Variants in ADAM8 observed in about 807,000 individuals in gnomAD.
ADAM8 encodes disintegrin and metalloproteinase domain-containing protein 8.
A neutral mutation model predicts 102.4 loss-of-function variants in ADAM8; 104 were observed. The observed-to-expected ratio is 1.02, with a 90% CI of 0.87 to 1.20. ADAM8 has a LOEUF of 1.20. Ranked by LOEUF, ADAM8 falls within the 50% of genes most tolerant of loss-of-function variation. The pLI is 0.00. For synonymous variants in ADAM8, 517 were observed against 485.2 expected (o/e 1.07, Z -0.86); for missense variants, 1,132 against 1,159.0 (o/e 0.98, Z 0.34).
In ADAM8 at chr10:133,267,960, G is replaced by A. The variant is rs552936179; in HGVS notation, c.2222C>T (p.Ser741Phe). 420 of 1,261,976 alleles carry A rather than the reference G, an allele frequency of 3.3e-4. 5 individuals carry two copies. In the East Asian group the frequency reaches 0.013, roughly 39 times the overall value. 78.2% of individuals were successfully genotyped at this position (1,261,976 alleles called of 1,614,324 possible). A position where few individuals can be genotyped will look rare whatever the true frequency, so the allele number is the denominator to read the frequency against. The change falls in exon 20 of 23, where the codon TCC becomes TTC. Residue 741 changes from serine to phenylalanine, a missense_variant. Physicochemically the swap from Ser to Phe is radical, Grantham distance 155 (BLOSUM62 -2). Transcript: ENST00000445355. Reference protein sequence around the residue: ...HPGQPARHPASSVALKRPPPA... With the variant: ...HPGQPARHPAFSVALKRPPPA... ...GGGCGGCCTCTTCAGAGCCACCGAG[G>A]AGGCCGGGTGTCGGGCGGGCTGGCC...
Position 133,265,294 on chromosome 10 carries a change from A to ACCG in ADAM8, c.2320-1530_2320-1529insCGG, listed in dbSNP as rs200110176. Among the ~76,000 whole-genome samples the ACCG allele has an allele frequency of 5.4e-3, 133 of 24,442 alleles. 22 individuals carry two copies. Among genetic ancestry groups the ACCG allele is most frequent in the Middle Eastern group, 0.026 (1 of 38 alleles). 16.0% of individuals were successfully genotyped at this position (24,442 alleles called of 152,430 possible). ...TCCTGCTGCAGCCTCTGCCCCATCT[A>ACCG]CCACCACGCCCGGCTCCTGCTGCAG... is the stretch of plus-strand genomic sequence containing the variant. On this transcript the variant is annotated intron_variant, in intron 21 of 22. Coordinates refer to ENST00000445355, the MANE Select transcript of ADAM8 (RefSeq NM_001109.5).
In ADAM8 at chr10:133,272,863, G is replaced by A. The variant is rs763588593; in HGVS notation, c.640C>T (p.Gln214Ter). The change falls in exon 8 of 23, where the codon CAG becomes TAG. Residue 214 changes from glutamine to a stop codon, truncating the protein, a stop_gained. Coordinates refer to ENST00000445355, the MANE Select transcript of ADAM8 (RefSeq NM_001109.5). LOFTEE classifies it high-confidence loss of function. ...ACGGCTGCTTCGCTCCCCAGCATCTGGAACTGGGGACACGAGACCCTCAGG... is the reference window on the plus strand; with the variant it reads ...ACGGCTGCTTCGCTCCCCAGCATCTAGAACTGGGGACACGAGACCCTCAGG... ...LYVVVDNAEF[Q>*]MLGSEAAVRH... 6.0e-5 allele frequency: 97 copies of A among 1,611,144 alleles called. No homozygotes were observed. Among genetic ancestry groups the A allele is most frequent in the Admixed American group, 5.2e-4 (31 of 59,946 alleles).
Position 133,268,155 on chromosome 10 carries a change from G to GC in ADAM8, c.2064-38dup, listed in dbSNP as rs900208373. On this transcript the variant is annotated intron_variant, in intron 19 of 22. Transcript: ENST00000445355. The stretch of plus-strand genomic sequence containing the variant: ...GCACAGGGCGCATGGTCAGTGTCCG[G>GC]CCATGGGGCCCCAGCACCACACCCC... 3.2e-6 allele frequency: 4 copies of GC among 1,251,930 alleles called. No individual in the cohort carries two copies. The African/African-American group carries it at 6.2e-5, about 19-fold the overall frequency. The allele number at this position is 1,251,930 out of a possible 1,614,324, so 77.6% of individuals were successfully genotyped here.
At chr10:133,263,462 A>G (rs934827329) in intron 22 of ADAM8, among the ~76,000 whole-genome samples, 1 of 152,210 alleles carries the variant, frequency 6.6e-6, no homozygotes, top group African/African-American at 2.4e-5. Context: ...GTCAGGCACC[A>G]CTGACAGCCG....
rs1846555667 is a variant in ADAM8, at chr10:133,272,237, TG to T, written c.912del (p.Arg305GlyfsTer13). ...VDFTGTTVGFARVSAMCSHSS... is the reference protein window; with the variant it reads ...VDFTGTTVGFXRVSAMCSHSS... ...CTGTGGGAGCACATGGCGGACACCC[TG>T]GCAAACCCCACGGTAGTCCCGGTGA... On this transcript the variant is annotated frameshift_variant, in exon 10 of 23. Transcript: ENST00000445355. LOFTEE classifies it high-confidence loss of function. 1.3e-6 allele frequency: 2 copies of T among 1,548,226 alleles called. No individual in the cohort carries two copies. The highest frequency in any genetic ancestry group is 3.9e-5 in the Admixed American group (2 of 50,818).
chr10:133,276,753 G>A lies in ADAM8; in HGVS notation c.46+19C>T, dbSNP rs1295111591. 2.6e-6 allele frequency: 4 copies of A among 1,533,344 alleles called. No individual in the cohort carries two copies. The highest frequency in any genetic ancestry group is 5.1e-5 in the East Asian group (2 of 39,432). The allele number at this position is 1,533,344 out of a possible 1,614,324, so 95.0% of individuals were successfully genotyped here. A position where few individuals can be genotyped will look rare whatever the true frequency, so the allele number is the denominator to read the frequency against. Reference sequence around the variant, plus strand: ...CCTGCCCCGCGCTGCGCCCGGGACGGTTCCCTGGAACCACTCACCAGGCAG... The same window carrying A: ...CCTGCCCCGCGCTGCGCCCGGGACGATTCCCTGGAACCACTCACCAGGCAG... On this transcript the variant is annotated intron_variant, in intron 1 of 22. Transcript: ENST00000445355.
chr10:133,272,324 T>TACC, intron 9 of ADAM8, 50 bp from the exon 10 acceptor site: 2 of 1,430,604 alleles, frequency 1.4e-6, no homozygotes, highest in Non-Finnish European at 1.9e-6. Flanking sequence ...CCTCCCCACT[T>TACC]CCCTCCCACC....
At chr10:133,263,575 C>A in intron 22 of ADAM8, 113 bp downstream of exon 22, 2 of 939,664 alleles carry the variant, frequency 2.1e-6, no homozygotes, top group Non-Finnish European at 3.1e-6. Context: ...AGTTTATCCA[C>A]AGATAATCAG....
chr10:133,273,720 T>C (rs764188338), intron 5 of ADAM8, 42 bp downstream of exon 5: 109 of 1,441,642 alleles, frequency 7.6e-5, no homozygotes, highest in Non-Finnish European at 9.8e-5. Flanking sequence ...TAGGCCTTCC[T>C]CTCCACCTGC....
In ADAM8 at chr10:133,273,366, A is replaced by C. The variant is rs1216127171; in HGVS notation, c.461T>G (p.Val154Gly). The C allele has an allele frequency of 1.9e-6, 3 of 1,557,190 alleles. No homozygotes were observed. The highest frequency in any genetic ancestry group is 2.6e-6 in the Non-Finnish European group (3 of 1,151,042). Reference protein sequence around the residue: ...DEGGEGGRHAVYQAEHLLQTA... With the variant: ...DEGGEGGRHAGYQAEHLLQTA... ...CTGCAGCAGGTGCTCAGCCTGGTAC[A>C]CGGCGTGCCGTCCGCCCTCGCCACC... Residue 154 changes from valine (V) to glycine (G), a missense_variant, in exon 6 of 23, where the codon GTG (valine) becomes GGG (glycine). Val to Gly is a moderately radical substitution (Grantham distance 109). Transcript: ENST00000445355.
At chr10:133,273,682 C>T in intron 5 of ADAM8, 80 bp downstream of exon 5, 2 of 1,467,538 alleles carry the variant, frequency 1.4e-6, no homozygotes. Context: ...ACCCTCCCTG[C>T]CTCCCTTCCC....
chr10:133,272,270 C>T lies in ADAM8; in HGVS notation c.880G>A (p.Val294Ile), dbSNP rs1221013013. The T allele has an allele frequency of 2.0e-6, 3 of 1,533,528 alleles. No homozygotes were observed. Among genetic ancestry groups the T allele is most frequent in the African/African-American group, 1.4e-5 (1 of 72,780 alleles). The allele number at this position is 1,533,528 out of a possible 1,614,324, so 95.0% of individuals were successfully genotyped here. The change falls in exon 10 of 23, where the codon GTC becomes ATC. Residue 294 changes from valine to isoleucine, a missense_variant. Coordinates refer to ENST00000445355, the MANE Select transcript of ADAM8 (RefSeq NM_001109.5). ...CCCACGGTAGTCCCGGTGAAGTCGA[C>T]ACCCCTGGAAGTGGGAGTGACACAG... The part of the protein sequence containing the change: ...LHDNVQLITG[V>I]DFTGTTVGFA...
chr10:133,275,007 A>G (rs1202779173), intron 2 of ADAM8: 3 of 340,764 alleles, frequency 8.8e-6, no homozygotes, highest in South Asian at 4.2e-5. Flanking sequence ...ACAGGTGCAC[A>G]CATGCATATG....
In ADAM8 at chr10:133,270,875, C is replaced by T. The variant is rs1311525808; in HGVS notation, c.1564+6G>A. On this transcript the variant is annotated splice_donor_region_variant and intron_variant, in intron 14 of 22. Coordinates refer to ENST00000445355, the MANE Select transcript of ADAM8 (RefSeq NM_001109.5). ...CCCTGCCAGGCCAGCTCTGTGCCCA[C>T]TTCACCTGGCCCCCAGAAGGCCTGG... is the stretch of plus-strand genomic sequence containing the variant. The T allele has an allele frequency of 1.9e-6, 3 of 1,610,434 alleles. No homozygotes were observed. Among genetic ancestry groups the T allele is most frequent in the South Asian group, 2.2e-5 (2 of 90,970 alleles).
chr10:133,270,335 C>A (rs374643932), intron 16 of ADAM8, 25 bp downstream of exon 16: 1 of 1,565,104 alleles, frequency 6.4e-7, no homozygotes, highest in East Asian at 2.3e-5. Context: ...TGGGGGGTGG[C>A]GCGGCCTCTG....
chr10:133,263,906 C>A lies in ADAM8; in HGVS notation c.2320-141G>T, dbSNP rs555235405. The A allele has an allele frequency of 4.5e-6, 3 of 668,468 alleles. No individual in the cohort carries two copies. In the South Asian group the frequency reaches 7.7e-5, roughly 17 times the overall value. The allele number at this position is 668,468 out of a possible 1,614,324, so 41.4% of individuals were successfully genotyped here. On this transcript the variant is annotated intron_variant, in intron 21 of 22. Transcript: ENST00000445355. ...AGGGAGCCTGCAGGCTCCGCCCCCA[C>A]TGAGCTCGCTACAGAAAAGCCCTCC...
At chr10:133,275,379 C>G in intron 2 of ADAM8, 105 bp downstream of exon 2, 1 of 845,008 alleles carries the variant, frequency 1.2e-6, no homozygotes, top group Non-Finnish European at 1.9e-6. Flanking sequence ...AGGGCAGCCC[C>G]AGACACCCAC....
Position 133,275,523 on chromosome 10 carries a change from C to G in ADAM8, c.111G>C (p.Leu37=). ...GAGCTCGGCGGACTCGGGGGCCTGG[C>G]AGACGCCACGGCAACACGACCTCAT... is the stretch of plus-strand genomic sequence containing the variant. The part of the protein sequence containing the change: ...EQYEVVLPWR[L]PGPRVRRALP... The change falls in exon 2 of 23, where the codon CTG becomes CTC. Residue 37 remains leucine, a synonymous_variant. Transcript: ENST00000445355. 1.3e-6 allele frequency: 2 copies of G among 1,527,636 alleles called. No individual in the cohort carries two copies. The highest frequency in any genetic ancestry group is 1.8e-6 in the Non-Finnish European group (2 of 1,138,142). 94.6% of individuals were successfully genotyped at this position (1,527,636 alleles called of 1,614,324 possible). A position where few individuals can be genotyped will look rare whatever the true frequency, so the allele number is the denominator to read the frequency against.
At position 133,271,702 on chromosome 10, in the gene ADAM8, G is replaced by A. The variant is rs774596729; in HGVS notation, c.1110C>T (p.Ser370=). The change falls in exon 12 of 23, where the codon TCC becomes TCT. Residue 370 remains serine, a synonymous_variant. Transcript: ENST00000445355. ...AGTCACTGAACATCCTGGGGAAACT[G>A]GAGCTGGGGAGGCGGGGCAGCATTG... ...GRCIMAGSIG[S]SFPRMFSDCS... is the part of the protein sequence containing the mutation. The A allele has an allele frequency of 1.5e-5, 24 of 1,583,224 alleles. No individual in the cohort carries two copies. The highest frequency in any genetic ancestry group is 2.0e-5 in the Non-Finnish European group (23 of 1,164,010).
Sources: allele counts gnomAD v4.1 joint callset (sites outside exome capture counted in the v4.1 genomes callset), GRCh38; gene constraint gnomAD v4.1.1; transcripts MANE v1.5; gene names NCBI Gene and HGNC (gene_info 2026-07-23, HGNC 2026-07-21).